Variants in NXPE4 observed in about 807,000 individuals in gnomAD.
The protein encoded by NXPE4 is NXPE family member 4.
A neutral mutation model predicts 33.3 loss-of-function variants in NXPE4; 42 were observed. The observed-to-expected ratio is 1.26, with a 90% CI of 0.98 to 1.63. The LOEUF is 1.63. Ranked by LOEUF, NXPE4 falls within the 40% of genes most tolerant of loss-of-function variation. NXPE4 has a pLI of 0.00. For synonymous variants in NXPE4, 253 were observed against 234.9 expected (o/e 1.08, Z -0.71); for missense variants, 709 against 647.6 (o/e 1.09, Z -1.03).
the NXPE4 span, among the ~76,000 whole-genome samples, chr11:114,627,891 T>A: frequency 8.0e-3 from 1,219 of 151,474 alleles, 17 homozygotes; most frequent in African/African-American, 0.028. Context: ...TAAAACAGAC[T>A]TTAAACCAAC....
At chr11:114,635,859 C>A in the NXPE4 span, among the ~76,000 whole-genome samples, 40 of 152,114 alleles carry the variant, frequency 2.6e-4, no homozygotes, top group African/African-American at 9.2e-4. Flanking sequence ...TTGCTGTATT[C>A]GGTTTGCCAG....
At chr11:114,615,723 T>C in the NXPE4 span, among the ~76,000 whole-genome samples, 1 of 151,562 alleles carries the variant, frequency 6.6e-6, no homozygotes, top group African/African-American at 2.4e-5. Flanking sequence ...TAATAAGTAT[T>C]GCCTCACGGG....
the NXPE4 span, among the ~76,000 whole-genome samples, chr11:114,641,220 A>T: frequency 6.6e-6 from 1 of 152,024 alleles, no homozygotes; most frequent in Non-Finnish European, 1.5e-5. Flanking sequence ...TTGAGAAAAC[A>T]TGAAAGACAA....
chr11:114,602,954 CAT>C, the NXPE4 span, among the ~76,000 whole-genome samples: 3 of 149,488 alleles, frequency 2.0e-5, no homozygotes, highest in East Asian at 2.0e-4. Context: ...ATAATTATCT[CAT>C]ATACAATTAC....
chr11:114,588,812 C>T (rs1949371347), intron 2 of NXPE4, among the ~76,000 whole-genome samples: 1 of 152,164 alleles, frequency 6.6e-6, no homozygotes, highest in African/African-American at 2.4e-5. Flanking sequence ...ATAAAACACA[C>T]CTTCTTGTCC....
chr11:114,608,394 G>A, the NXPE4 span, among the ~76,000 whole-genome samples: 1 of 151,922 alleles, frequency 6.6e-6, no homozygotes, highest in Non-Finnish European at 1.5e-5. Context: ...TTGCCTCATG[G>A]GTAACCACTG....
At chr11:114,640,717 G>C in the NXPE4 span, among the ~76,000 whole-genome samples, 1 of 151,864 alleles carries the variant, frequency 6.6e-6, no homozygotes, top group African/African-American at 2.4e-5. Context: ...GTGATACTGA[G>C]TATTTTTTAT....
the NXPE4 span, among the ~76,000 whole-genome samples, chr11:114,648,687 C>T: frequency 6.6e-6 from 1 of 152,166 alleles, no homozygotes; most frequent in African/African-American, 2.4e-5. Context: ...CAAATGAAGA[C>T]AATGACAAGG....
chr11:114,639,621 T>A, the NXPE4 span, among the ~76,000 whole-genome samples: 119 of 147,688 alleles, frequency 8.1e-4, 1 homozygote, highest in Middle Eastern at 7.1e-3. Flanking sequence ...CTGCCCCACC[T>A]ATGTAACATA....
chr11:114,605,622 G>A, the NXPE4 span, among the ~76,000 whole-genome samples: 8 of 151,890 alleles, frequency 5.3e-5, no homozygotes, highest in Non-Finnish European at 7.4e-5. Flanking sequence ...TGGATAATAA[G>A]TGTTGCCTCG....
chr11:114,667,801 C>T, the NXPE4 span, among the ~76,000 whole-genome samples: 1 of 152,130 alleles, frequency 6.6e-6, no homozygotes, highest in Non-Finnish European at 1.5e-5. Context: ...ATGAGCGTAT[C>T]TCCAGCTGCC....
At chr11:114,573,145 G>A (rs1458368720) in intron 5 of NXPE4, among the ~76,000 whole-genome samples, 3 of 151,862 alleles carry the variant, frequency 2.0e-5, no homozygotes, top group Admixed American at 6.6e-5. Flanking sequence ...TAGTCTTTTC[G>A]AGACAAATGC....
At chr11:114,648,922 T>A in the NXPE4 span, among the ~76,000 whole-genome samples, 1 of 147,082 alleles carries the variant, frequency 6.8e-6, no homozygotes, top group Non-Finnish European at 1.5e-5. Context: ...ACATCTTATG[T>A]TATATGATAA....
the NXPE4 span, among the ~76,000 whole-genome samples, chr11:114,611,104 A>G: frequency 4.2e-5 from 6 of 142,222 alleles, no homozygotes; most frequent in Admixed American, 4.2e-4. Flanking sequence ...GCCTCGTGGG[A>G]AACCAGTGGA....
intron 1 of NXPE4, among the ~76,000 whole-genome samples, 164 bp from the exon 2 acceptor site, chr11:114,594,933 C>T (rs1437207603): frequency 2.0e-5 from 3 of 152,118 alleles, no homozygotes; most frequent in East Asian, 1.9e-4. Flanking sequence ...TACTTGGTAT[C>T]TCCCAGGTGC....
At chr11:114,617,248 T>C in the NXPE4 span, among the ~76,000 whole-genome samples, 1 of 152,160 alleles carries the variant, frequency 6.6e-6, no homozygotes, top group Non-Finnish European at 1.5e-5. Context: ...GGGTAACCAC[T>C]GTTACCTGGT....
the NXPE4 span, among the ~76,000 whole-genome samples, chr11:114,666,647 G>T: frequency 2.0e-5 from 3 of 152,024 alleles, no homozygotes; most frequent in South Asian, 2.1e-4. Flanking sequence ...TAGTACTTTG[G>T]TTTTTTTATC....
the NXPE4 span, among the ~76,000 whole-genome samples, chr11:114,618,908 A>G: frequency 6.6e-6 from 1 of 151,798 alleles, no homozygotes; most frequent in East Asian, 2.0e-4. Flanking sequence ...GATAATAAGG[A>G]CTGTCTCATG....
chr11:114,602,986 A>G, the NXPE4 span, among the ~76,000 whole-genome samples: 1 of 150,724 alleles, frequency 6.6e-6, no homozygotes, highest in African/African-American at 2.4e-5. Flanking sequence ...TAATTATCTC[A>G]TATATAATTA....
Sources: allele counts gnomAD v4.1 joint callset (sites outside exome capture counted in the v4.1 genomes callset), GRCh38; gene constraint gnomAD v4.1.1; transcripts MANE v1.5; gene names NCBI Gene and HGNC (gene_info 2026-07-23, HGNC 2026-07-21).